QTMAN: variants seen among roughly 807,000 people sequenced by gnomAD.
QTMAN encodes tRNA-queuosine alpha-mannosyltransferase.
At chr2:143,970,632 T>C in the QTMAN span, 2 of 1,178,704 alleles carry the variant, frequency 1.7e-6, no homozygotes. Context: ...AAATACACAT[T>C]AGAAAATTCA....
At chr2:144,051,982 T>A in the QTMAN span, among the ~76,000 whole-genome samples, 2 of 152,366 alleles carry the variant, frequency 1.3e-5, no homozygotes, top group South Asian at 4.1e-4. Context: ...CCAAATTATA[T>A]AATTATACTT....
chr2:144,284,379 T>C, the QTMAN span, among the ~76,000 whole-genome samples: 1 of 151,988 alleles, frequency 6.6e-6, no homozygotes, highest in Non-Finnish European at 1.5e-5. Context: ...ACATGATATA[T>C]AAAATTTAAT....
the QTMAN span, among the ~76,000 whole-genome samples, chr2:144,067,985 C>T: frequency 1.2e-3 from 185 of 152,028 alleles, no homozygotes; most frequent in Non-Finnish European, 2.3e-3. Context: ...CTTCTGGGTA[C>T]CAGGATAATA....
the QTMAN span, among the ~76,000 whole-genome samples, chr2:143,999,666 C>T: frequency 6.6e-6 from 1 of 152,012 alleles, no homozygotes; most frequent in African/African-American, 2.4e-5. Flanking sequence ...ACTCACCCAC[C>T]CCTGACTATG....
chr2:143,992,655 C>A, the QTMAN span, among the ~76,000 whole-genome samples: 1 of 152,044 alleles, frequency 6.6e-6, no homozygotes, highest in East Asian at 1.9e-4. Context: ...CAAACAATAA[C>A]TGGGAGATAA....
the QTMAN span, among the ~76,000 whole-genome samples, chr2:144,098,306 G>A: frequency 2.6e-5 from 4 of 152,208 alleles, no homozygotes; most frequent in Admixed American, 6.5e-5. Flanking sequence ...AACCTCATTT[G>A]TTAATGTGCT....
the QTMAN span, among the ~76,000 whole-genome samples, chr2:144,117,145 G>A: frequency 6.6e-6 from 1 of 152,124 alleles, no homozygotes; most frequent in Non-Finnish European, 1.5e-5. Context: ...ATATTTAACA[G>A]GTGAGCAGGG....
chr2:144,040,979 T>C, the QTMAN span, among the ~76,000 whole-genome samples: 14 of 152,344 alleles, frequency 9.2e-5, no homozygotes, highest in East Asian at 2.7e-3. Flanking sequence ...TATTTTAGTA[T>C]ATTTTTGGAT....
the QTMAN span, among the ~76,000 whole-genome samples, chr2:144,068,455 AT>A: frequency 6.6e-6 from 1 of 152,214 alleles, no homozygotes; most frequent in Admixed American, 6.5e-5. Context: ...TTTTACTGCT[AT>A]TTATGTCAGA....
the QTMAN span, among the ~76,000 whole-genome samples, chr2:144,073,538 A>G: frequency 6.6e-6 from 1 of 152,176 alleles, no homozygotes; most frequent in Non-Finnish European, 1.5e-5. Flanking sequence ...GAGCCCAAGA[A>G]GTTCTGCATA....
the QTMAN span, among the ~76,000 whole-genome samples, chr2:144,314,609 A>G: frequency 2.0e-5 from 3 of 152,284 alleles, no homozygotes; most frequent in Admixed American, 6.5e-5. Flanking sequence ...GCTACTCAGG[A>G]GGCTGAGGCA....
chr2:144,295,043 T>C, the QTMAN span, among the ~76,000 whole-genome samples: 3 of 152,152 alleles, frequency 2.0e-5, no homozygotes, highest in African/African-American at 7.2e-5. Flanking sequence ...CACACAGAAG[T>C]CAATATAAAA....
the QTMAN span, among the ~76,000 whole-genome samples, chr2:144,063,038 C>T: frequency 2.0e-5 from 3 of 152,218 alleles, no homozygotes; most frequent in South Asian, 6.2e-4. Context: ...CAATTAGAGT[C>T]ATTTTGAGAT....
chr2:144,168,801 C>T, the QTMAN span, among the ~76,000 whole-genome samples: 1 of 151,732 alleles, frequency 6.6e-6, no homozygotes, highest in Non-Finnish European at 1.5e-5. Context: ...AAAAACTATC[C>T]CATCTGTACA....
the QTMAN span, among the ~76,000 whole-genome samples, chr2:143,965,752 C>T: frequency 2.6e-5 from 4 of 152,132 alleles, no homozygotes; most frequent in African/African-American, 4.8e-5. Flanking sequence ...GCCAAATGTC[C>T]CTGGAGGTGG....
At chr2:144,101,194 T>G in the QTMAN span, among the ~76,000 whole-genome samples, 2 of 152,134 alleles carry the variant, frequency 1.3e-5, no homozygotes, top group South Asian at 4.2e-4. Flanking sequence ...TGTGAAAGGG[T>G]GCAAAGAATA....
the QTMAN span, among the ~76,000 whole-genome samples, chr2:144,323,129 C>G: frequency 1.3e-5 from 2 of 152,234 alleles, no homozygotes; most frequent in African/African-American, 2.4e-5. Flanking sequence ...TAAATAGTCA[C>G]AGTTTGGTAT....
At chr2:144,266,813 T>A in the QTMAN span, among the ~76,000 whole-genome samples, 7 of 152,350 alleles carry the variant, frequency 4.6e-5, no homozygotes, top group South Asian at 8.3e-4. Context: ...CTGACCTTCC[T>A]ACTTCACAAA....
the QTMAN span, among the ~76,000 whole-genome samples, chr2:144,002,854 T>G: frequency 1.3e-5 from 2 of 151,992 alleles, no homozygotes; most frequent in African/African-American, 4.8e-5. Flanking sequence ...TCATTAAACA[T>G]TCAACTTTTC....
Sources: allele counts gnomAD v4.1 joint callset (sites outside exome capture counted in the v4.1 genomes callset), GRCh38; gene constraint gnomAD v4.1.1; transcripts MANE v1.5; gene names NCBI Gene and HGNC (gene_info 2026-07-23, HGNC 2026-07-21).